SLC9A7: variants seen among roughly 807,000 people sequenced by gnomAD.
SLC9A7 encodes sodium/hydrogen exchanger 7.
In SLC9A7, 19 loss-of-function variants were observed where a neutral mutation model predicts 52.6. The observed-to-expected ratio is 0.36, with a 90% CI of 0.25 to 0.53. The LOEUF (loss-of-function observed/expected upper bound fraction) is 0.53, where lower values mean the gene tolerates loss of function less well. SLC9A7 is among the 20% of genes least tolerant of loss of function. The pLI is 0.91. For missense variants in SLC9A7, 455 were observed against 597.9 expected, an observed-to-expected ratio of 0.76 and a Z score of 2.49; for synonymous variants, 226 against 252.1, an observed-to-expected ratio of 0.90 and a Z score of 0.98.
chrX:46,758,661 G>A (rs369908917), intron 1 of SLC9A7, 44 bp downstream of exon 1: 2 of 942,164 alleles, frequency 2.1e-6, no homozygotes, highest in East Asian at 7.4e-5. Flanking sequence ...GGAGCGCGGC[G>A]GCCGAGGGGT....
intron 1 of SLC9A7, among the ~76,000 whole-genome samples, chrX:46,698,894 T>C (rs1325254254): frequency 9.0e-6 from 1 of 111,556 alleles, no homozygotes; most frequent in Non-Finnish European, 1.9e-5. Flanking sequence ...GACAATACAA[T>C]AGAAAATCTG....
intron 14 of SLC9A7, among the ~76,000 whole-genome samples, chrX:46,627,323 C>CAA (rs1347311222): frequency 9.6e-6 from 1 of 104,591 alleles, no homozygotes. Context: ...CAAAACAAAA[C>CAA]AAAAAAAAAA....
chrX:46,665,564 A>G (rs1453740818), intron 5 of SLC9A7, among the ~76,000 whole-genome samples: 1 of 108,917 alleles, frequency 9.2e-6, no homozygotes. Flanking sequence ...TCTCAAAAAA[A>G]AAAAAAAAAA....
At chrX:46,751,227 C>A (rs781951142) in intron 1 of SLC9A7, among the ~76,000 whole-genome samples, 1 of 111,513 alleles carries the variant, frequency 9.0e-6, no homozygotes, top group South Asian at 3.7e-4. Flanking sequence ...AGATGGAAGG[C>A]ATCTGGTCCC....
At chrX:46,702,433 C>T (rs1237584820) in intron 1 of SLC9A7, among the ~76,000 whole-genome samples, 1 of 111,292 alleles carries the variant, frequency 9.0e-6, no homozygotes, top group Non-Finnish European at 1.9e-5. Context: ...TCAATCCACA[C>T]CCCCATCTCC....
chrX:46,624,865 T>C (rs1208264004), intron 14 of SLC9A7, among the ~76,000 whole-genome samples: 1 of 112,256 alleles, frequency 8.9e-6, no homozygotes, highest in African/African-American at 3.2e-5. Flanking sequence ...TTTGAGCATG[T>C]AACAATGAGT....
At chrX:46,657,717 A>G (rs1218478610) in intron 7 of SLC9A7, among the ~76,000 whole-genome samples, 2 of 111,625 alleles carry the variant, frequency 1.8e-5, no homozygotes, top group Non-Finnish European at 3.8e-5. Flanking sequence ...ACCCAGATTC[A>G]TAAAGCAAGT....
chrX:46,617,547 A>G (rs1401130785), intron 15 of SLC9A7, among the ~76,000 whole-genome samples: 1 of 112,016 alleles, frequency 8.9e-6, no homozygotes, highest in Admixed American at 9.5e-5. Context: ...GCTTGAAGAA[A>G]AAATTAGCAG....
chrX:46,706,165 G>C (rs1224898122), intron 1 of SLC9A7, among the ~76,000 whole-genome samples: 2 of 105,702 alleles, frequency 1.9e-5, no homozygotes, highest in East Asian at 3.1e-4. Flanking sequence ...TTACAAGACT[G>C]TCTTTCAGAG....
At position 46,759,116 on chromosome X, in the gene SLC9A7, A is replaced by C. The variant is rs1922937251; in HGVS notation, c.-87T>G. On this transcript the variant is annotated 5_prime_UTR_variant, in exon 1 of 17. Transcript: ENST00000616978. ...TCTGGCAGCACCGCGGACCTGCCGG[A>C]GTGGCCGTGGCCGCTGCAGCTCCTC... 2.4e-5 allele frequency: 15 copies of C among 616,317 alleles called. No individual in the cohort carries two copies. The highest frequency in any genetic ancestry group is 3.1e-5 in the Non-Finnish European group (15 of 481,195). 50.8% of individuals were successfully genotyped at this position (616,317 alleles called of 1,213,427 possible).
chrX:46,662,894 C>A (rs1943848483), intron 5 of SLC9A7, among the ~76,000 whole-genome samples: 1 of 112,346 alleles, frequency 8.9e-6, no homozygotes, highest in Non-Finnish European at 1.9e-5. Flanking sequence ...ACTGTGATCC[C>A]ATCACACTTT....
chrX:46,696,950 G>T (rs888708187), intron 1 of SLC9A7, among the ~76,000 whole-genome samples: 12 of 111,833 alleles, frequency 1.1e-4, no homozygotes, highest in African/African-American at 3.3e-4. Context: ...AGGTTGTCTG[G>T]CTCCAGAGTC....
intron 7 of SLC9A7, among the ~76,000 whole-genome samples, 181 bp from the exon 8 acceptor site, chrX:46,653,895 G>A (rs1313009293): frequency 9.2e-6 from 1 of 108,715 alleles, no homozygotes; most frequent in African/African-American, 3.3e-5. Flanking sequence ...CTTTCCAGTG[G>A]AACACAAGTT....
chrX:46,725,779 G>A, intron 1 of SLC9A7: 1 of 881,051 alleles, frequency 1.1e-6, no homozygotes, highest in South Asian at 2.0e-5. Flanking sequence ...AGGCTGGGCA[G>A]TGGAGCCTTG....
At chrX:46,663,158 ACC>A (rs1943853780) in intron 5 of SLC9A7, among the ~76,000 whole-genome samples, 1 of 106,782 alleles carries the variant, frequency 9.4e-6, no homozygotes, top group Non-Finnish European at 1.9e-5. Context: ...ACATGGTGAA[ACC>A]CCGTCTCTAC....
chrX:46,695,418 G>A (rs1395484513), intron 1 of SLC9A7, among the ~76,000 whole-genome samples: 2 of 112,315 alleles, frequency 1.8e-5, no homozygotes, highest in Admixed American at 9.4e-5. Context: ...TAACACAAAC[G>A]TAAATCCTTC....
intron 1 of SLC9A7, among the ~76,000 whole-genome samples, chrX:46,691,983 A>G (rs1038195076): frequency 3.6e-5 from 4 of 111,680 alleles, no homozygotes; most frequent in Non-Finnish European, 7.5e-5. Context: ...AGCAAAACAC[A>G]TAATGATAGT....
Position 46,682,072 on chromosome X carries a change from C to T in SLC9A7, c.525+264G>A, listed in dbSNP as rs2072841. ...GCTGGATAAATGAGCTGAGTGGGGA[C>T]GTACAAATCCATTGCACAATCAGTG... is the stretch of plus-strand genomic sequence containing the variant. On this transcript the variant is annotated intron_variant, in intron 2 of 16. Transcript: ENST00000616978. 9.7e-4 allele frequency among the ~76,000 whole-genome samples: 108 copies of T among 111,737 alleles called. No individual in the cohort carries two copies. The East Asian group carries it at 0.025, about 26-fold the overall frequency.
intron 1 of SLC9A7, among the ~76,000 whole-genome samples, chrX:46,755,805 G>A (rs1922617254): frequency 1.1e-5 from 1 of 93,398 alleles, no homozygotes; most frequent in Non-Finnish European, 2.1e-5. Flanking sequence ...CTGGGCGACA[G>A]AGTGAGACTC....
Sources: gnomAD v4.1 joint callset for allele counts (sites outside exome capture counted in the v4.1 genomes callset) on GRCh38, gnomAD v4.1.1 for gene constraint, MANE v1.5 for transcripts, NCBI Gene and HGNC (gene_info 2026-07-23, HGNC 2026-07-21) for gene names.